The following TRAPPC9 variants were observed in gnomAD, a reference collection of about 807,000 sequenced individuals.
The protein encoded by TRAPPC9 is IKK2 binding protein.
Under a neutral mutation model 124.0 loss-of-function variants are expected in TRAPPC9, and 83 were observed. That is an observed-to-expected ratio of 0.67 (90% CI 0.56 to 0.80). TRAPPC9 has a LOEUF of 0.80. Among genes scored for constraint, TRAPPC9 ranks in the 30% least tolerant of loss-of-function variants. The pLI is 0.00. For synonymous variants in TRAPPC9, 638 were observed against 617.5 expected, an observed-to-expected ratio of 1.03 and a Z score of -0.49; for missense variants, 1,302 against 1,508.3, an observed-to-expected ratio of 0.86 and a Z score of 2.27.
At chr8:139,890,503 C>T (rs1830272264) in intron 20 of TRAPPC9, among the ~76,000 whole-genome samples, 1 of 152,218 alleles carries the variant, frequency 6.6e-6, no homozygotes, top group African/African-American at 2.4e-5. Context: ...CCTGGGAGGA[C>T]CTTAGGCTCT....
intron 19 of TRAPPC9, among the ~76,000 whole-genome samples, chr8:139,981,010 G>A (rs1053045900): frequency 2.0e-5 from 3 of 152,226 alleles, no homozygotes; most frequent in African/African-American, 7.2e-5. Context: ...CTCACAGAAA[G>A]AGAAGAATTT....
intron 16 of TRAPPC9, among the ~76,000 whole-genome samples, chr8:140,235,172 C>A (rs1387200683): frequency 1.3e-5 from 2 of 152,148 alleles, no homozygotes; most frequent in Non-Finnish European, 2.9e-5. Context: ...AGGGTTTCAC[C>A]ATGTTGGTCA....
Position 140,400,035 on chromosome 8 carries a change from TTC to T in TRAPPC9, c.1009-2292_1009-2291del, listed in dbSNP as rs1381878871. ...CTTCCGCTTTGGAGTCCTCTCCTCATTCTCTCTTTGCCTGCTGCCATCCATGT... is the reference window on the plus strand; with the variant it reads ...CTTCCGCTTTGGAGTCCTCTCCTCATTCTCTTTGCCTGCTGCCATCCATGT... On this transcript the variant is annotated intron_variant, in intron 6 of 22. Transcript: ENST00000438773. Among the ~76,000 whole-genome samples the T allele has an allele frequency of 2.6e-4, 40 of 152,232 alleles. 1 individual carries two copies. The highest frequency in any genetic ancestry group is 9.4e-4 in the African/African-American group (39 of 41,456).
At chr8:140,122,023 T>TCTCTCTCTCTCTCTCTC (rs1563777112) in intron 17 of TRAPPC9, among the ~76,000 whole-genome samples, 24 of 138,434 alleles carry the variant, frequency 1.7e-4, no homozygotes, top group African/African-American at 3.7e-4. Context: ...CTTTCTTTCT[T>TCTCTCTCTCTCTCTCTC]TCTCTCTCTC....
At chr8:140,144,795 A>G (rs528235367) in intron 17 of TRAPPC9, among the ~76,000 whole-genome samples, 1 of 150,576 alleles carries the variant, frequency 6.6e-6, no homozygotes, top group South Asian at 2.1e-4. Context: ...CTTTAATTGT[A>G]TTTTTCTAAC....
intron 19 of TRAPPC9, 74 bp downstream of exon 19, chr8:139,988,652 T>TC: frequency 9.7e-7 from 1 of 1,030,996 alleles, no homozygotes; most frequent in Non-Finnish European, 1.5e-6. Flanking sequence ...GTGGATTATC[T>TC]CCACACCCTC....
chr8:140,031,455 T>C (rs900678335), intron 17 of TRAPPC9, among the ~76,000 whole-genome samples: 3 of 152,244 alleles, frequency 2.0e-5, no homozygotes, highest in African/African-American at 7.2e-5. Context: ...AACTTAAATG[T>C]ATATGAAGTA....
At chr8:140,001,331 A>G (rs1838384645) in intron 18 of TRAPPC9, among the ~76,000 whole-genome samples, 1 of 152,092 alleles carries the variant, frequency 6.6e-6, no homozygotes, top group South Asian at 2.1e-4. Context: ...TGGCACATAT[A>G]TACCTATGTA....
intron 17 of TRAPPC9, chr8:140,098,020 G>A (rs1352353171): frequency 1.3e-5 from 2 of 152,558 alleles, no homozygotes; most frequent in East Asian, 3.9e-4. Context: ...CAACCGCAGG[G>A]TAGTGTCACC....
At chr8:140,173,877 G>T (rs972539335) in intron 17 of TRAPPC9, among the ~76,000 whole-genome samples, 6 of 152,194 alleles carry the variant, frequency 3.9e-5, no homozygotes, top group African/African-American at 1.2e-4. Flanking sequence ...TCACTAGTAC[G>T]TGAAACTGGG....
rs1421953684 is a variant in TRAPPC9 at position 140,388,385 on chromosome 8, AAAG to A, written c.1134+9232_1134+9234del. 6.6e-5 allele frequency among the ~76,000 whole-genome samples: 10 copies of A among 152,104 alleles called. No homozygotes were observed. The South Asian group carries it at 1.7e-3, about 25-fold the overall frequency. ...TAGAACTTACAGTAAAAAAAAAAAA[AAAG>A]AAGGAATGAAGGGGGCCGAGTGCGG... On this transcript the variant is annotated intron_variant, in intron 7 of 22. Coordinates refer to ENST00000438773, the MANE Select transcript of TRAPPC9 (RefSeq NM_001160372.4).
intron 17 of TRAPPC9, among the ~76,000 whole-genome samples, chr8:140,054,724 G>A (rs1226525948): frequency 6.6e-6 from 1 of 151,956 alleles, no homozygotes; most frequent in Non-Finnish European, 1.5e-5. Context: ...TACAATCAAT[G>A]CCACAGAAAT....
intron 10 of TRAPPC9, among the ~76,000 whole-genome samples, chr8:140,305,101 T>C (rs968990865): frequency 3.3e-5 from 5 of 152,210 alleles, no homozygotes; most frequent in African/African-American, 1.2e-4. Flanking sequence ...TTCCCCAGTG[T>C]GACTGATACA....
intron 17 of TRAPPC9, among the ~76,000 whole-genome samples, chr8:140,176,052 A>G (rs1289089237): frequency 6.6e-6 from 1 of 152,252 alleles, no homozygotes; most frequent in Non-Finnish European, 1.5e-5. Flanking sequence ...AGTGTGTGCT[A>G]AGTGATGTGA....
intron 17 of TRAPPC9, among the ~76,000 whole-genome samples, chr8:140,176,454 G>A (rs968310449): frequency 6.6e-6 from 1 of 152,208 alleles, no homozygotes; most frequent in African/African-American, 2.4e-5. Context: ...TCCACAGACA[G>A]TAACGTTTCT....
rs142110429 is a variant in TRAPPC9, at chr8:139,748,377, G to C, written c.3056-16175C>G. ...ACACAGCAGGAGTCAGAGCAGGTAG[G>C]GGGGCGTACAGGGGTCAGAGCAGGT... On this transcript the variant is annotated intron_variant, in intron 21 of 22. Coordinates refer to ENST00000438773, the MANE Select transcript of TRAPPC9 (RefSeq NM_001160372.4). Among the ~76,000 whole-genome samples the C allele has an allele frequency of 2.3e-3, 302 of 133,274 alleles. 10 individuals carry two copies. The highest frequency in any genetic ancestry group is 9.0e-3 in the African/African-American group (285 of 31,728). 87.4% of individuals were successfully genotyped at this position (133,274 alleles called of 152,430 possible).
chr8:139,951,249 G>A (rs577725703), intron 19 of TRAPPC9, among the ~76,000 whole-genome samples: 21 of 152,336 alleles, frequency 1.4e-4, no homozygotes, highest in Admixed American at 4.6e-4. Flanking sequence ...CGTTCTCTTC[G>A]AAGTGGTCAC....
At chr8:140,302,268 C>T (rs996206054) in intron 10 of TRAPPC9, among the ~76,000 whole-genome samples, 2 of 152,162 alleles carry the variant, frequency 1.3e-5, no homozygotes, top group African/African-American at 2.4e-5. Flanking sequence ...AACCCCGCGC[C>T]CTCCAGACCA....
intron 17 of TRAPPC9, among the ~76,000 whole-genome samples, chr8:140,036,898 C>T: frequency 6.6e-6 from 1 of 151,950 alleles, no homozygotes; most frequent in Non-Finnish European, 1.5e-5. Flanking sequence ...GCAGAACGTG[C>T]AGTTTTGTTA....
Sources: gnomAD v4.1 joint callset for allele counts (sites outside exome capture counted in the v4.1 genomes callset) on GRCh38, gnomAD v4.1.1 for gene constraint, MANE v1.5 for transcripts, NCBI Gene and HGNC (gene_info 2026-07-23, HGNC 2026-07-21) for gene names.